The following FAP variants were observed in gnomAD, a reference collection of about 807,000 sequenced individuals.
FAP encodes the protein fibroblast activation protein alpha, also known as prolyl endopeptidase FAP.
Under a neutral mutation model 126.5 loss-of-function variants are expected in FAP, and 110 were observed. The ratio of observed to expected loss-of-function variants is 0.87; its 90% CI spans 0.74 to 1.02. FAP has a LOEUF of 1.02. Among genes scored for constraint, FAP ranks in the 50% least tolerant of loss-of-function variants. The probability of loss-of-function intolerance (pLI) is 0.00; values close to 1 mark genes in which losing one functional copy is unlikely to be tolerated. For missense variants in FAP, 919 were observed against 909.2 expected (o/e 1.01, Z -0.14); for synonymous variants, 334 against 297.3 (o/e 1.12, Z -1.27).
chr2:162,213,366 C>A (rs1471169761), intron 11 of FAP, among the ~76,000 whole-genome samples: 1 of 147,146 alleles, frequency 6.8e-6, no homozygotes, highest in Non-Finnish European at 1.5e-5. Flanking sequence ...CAGAGCGAGA[C>A]GCCATCTCAA....
At chr2:162,187,549 AC>A (rs2106225971) in intron 20 of FAP, among the ~76,000 whole-genome samples, 1 of 152,254 alleles carries the variant, frequency 6.6e-6, no homozygotes, top group East Asian at 1.9e-4. Flanking sequence ...AGATGATTGA[AC>A]CATAAATCAT....
At position 162,216,695 on chromosome 2, in the gene FAP, T is replaced by C. The variant is rs572453126; in HGVS notation, c.763-694A>G. 7.9e-5 allele frequency among the ~76,000 whole-genome samples: 12 copies of C among 152,356 alleles called. No individual in the cohort carries two copies. In the East Asian group the frequency reaches 2.3e-3, roughly 29 times the overall value. On this transcript the variant is annotated intron_variant, in intron 9 of 25. Coordinates refer to ENST00000188790, the MANE Select transcript of FAP (RefSeq NM_004460.5). ...GTAGAAAGAGAGAATCTTGGAGTTG[T>C]AATAAAATTTAAATTCATGAAATGT...
rs926373204 is a variant in FAP at position 162,224,522 on chromosome 2, T to C, written c.304A>G (p.Asn102Asp). ...TGCCGATCAGGTGATAAGCCGTAAT[T>C]TGAAGCATTCACACTTTTCTGAAAT... Reference protein sequence around the residue: ...NRTMKSVNASNYGLSPDRQFV... With the variant: ...NRTMKSVNASDYGLSPDRQFV... Residue 102 changes from asparagine (N) to aspartate (D), a missense_variant, in exon 5 of 26, where the codon AAT (asparagine) becomes GAT (aspartate). Transcript: ENST00000188790. The C allele has an allele frequency of 1.9e-6, 3 of 1,597,838 alleles. No homozygotes were observed. The highest frequency in any genetic ancestry group is 1.3e-5 in the African/African-American group (1 of 74,220).
chr2:162,198,669 C>A (rs1220985458), intron 16 of FAP, 88 bp downstream of exon 16: 3 of 1,444,582 alleles, frequency 2.1e-6, no homozygotes, highest in Non-Finnish European at 2.9e-6. Flanking sequence ...TGCTCATTAA[C>A]TGTAGCTACG....
intron 21 of FAP, among the ~76,000 whole-genome samples, chr2:162,179,790 C>CTATCTATCTATA (rs1553684067): frequency 1.7e-5 from 2 of 115,550 alleles, no homozygotes; most frequent in African/African-American, 6.5e-5. Flanking sequence ...ATCTATCTAT[C>CTATCTATCTATA]TATATATATA....
chr2:162,236,429 A>G (rs1427985545), intron 2 of FAP, among the ~76,000 whole-genome samples: 1 of 151,294 alleles, frequency 6.6e-6, no homozygotes, highest in East Asian at 1.9e-4. Flanking sequence ...ATCTGAGCTT[A>G]GGAAGTTTTT....
At chr2:162,199,861 C>T (rs1688425989) in intron 15 of FAP, among the ~76,000 whole-genome samples, 1 of 152,154 alleles carries the variant, frequency 6.6e-6, no homozygotes, top group Admixed American at 6.5e-5. Flanking sequence ...AGTATGTTAA[C>T]ATATGTCCCT....
At chr2:162,176,240 G>T (rs1194379170) in intron 21 of FAP, 4 of 152,110 alleles carry the variant, frequency 2.6e-5, no homozygotes, top group Non-Finnish European at 5.9e-5. Flanking sequence ...TTCATGAAAT[G>T]CATGGAATGG....
chr2:162,235,403 C>T (rs956158621), intron 2 of FAP, among the ~76,000 whole-genome samples: 1 of 152,198 alleles, frequency 6.6e-6, no homozygotes. Context: ...CTTGGAGAAC[C>T]TTTGTGTCTA....
chr2:162,202,352 G>A lies in FAP; in HGVS notation c.1223+520C>T, dbSNP rs188225477. Reference sequence around the variant, plus strand: ...TCCTAGTCTGCTACTAACTAACTGTGGCCTTTGGCCAAGTTAATTAAATTT... The same window carrying A: ...TCCTAGTCTGCTACTAACTAACTGTAGCCTTTGGCCAAGTTAATTAAATTT... On this transcript the variant is annotated intron_variant, in intron 14 of 25. Transcript: ENST00000188790. 1.5e-3 allele frequency among the ~76,000 whole-genome samples: 236 copies of A among 152,348 alleles called. 5 individuals carry two copies. Among genetic ancestry groups the A allele is most frequent in the Middle Eastern group, 3.4e-3 (1 of 294 alleles).
chr2:162,194,957 G>C (rs1016621649), intron 16 of FAP: 5 of 573,164 alleles, frequency 8.7e-6, no homozygotes, highest in Non-Finnish European at 1.6e-5. Context: ...AAGAACAGCT[G>C]TGAAAGAAGC....
intron 12 of FAP, among the ~76,000 whole-genome samples, chr2:162,204,666 G>A (rs921007425): frequency 2.0e-5 from 3 of 152,144 alleles, no homozygotes; most frequent in South Asian, 2.1e-4. Flanking sequence ...TAGGGAGCAC[G>A]ACTCTGCTGA....
At chr2:162,172,951 G>T in intron 24 of FAP, 67 bp from the exon 25 acceptor site, 1 of 1,295,194 alleles carries the variant, frequency 7.7e-7, no homozygotes, top group Non-Finnish European at 1.1e-6. Context: ...ACAATGTACT[G>T]CCTGGAAATG....
At chr2:162,235,263 C>T (rs1209865242) in intron 2 of FAP, among the ~76,000 whole-genome samples, 1 of 152,162 alleles carries the variant, frequency 6.6e-6, no homozygotes, top group Non-Finnish European at 1.5e-5. Context: ...TCCACAGTGC[C>T]CGGTCCCATG....
chr2:162,201,391 G>A (rs952245393), intron 14 of FAP, among the ~76,000 whole-genome samples: 4 of 152,078 alleles, frequency 2.6e-5, no homozygotes, highest in Non-Finnish European at 4.4e-5. Flanking sequence ...AATACAACTC[G>A]TTTTTAGCAC....
chr2:162,238,579 A>G (rs917713797), intron 2 of FAP, among the ~76,000 whole-genome samples: 1 of 152,168 alleles, frequency 6.6e-6, no homozygotes, highest in Non-Finnish European at 1.5e-5. Flanking sequence ...ATATTCATGA[A>G]CTTTCTGAAA....
At chr2:162,183,580 G>A (rs1056014396) in intron 20 of FAP, 112 bp from the exon 21 acceptor site, 3 of 685,524 alleles carry the variant, frequency 4.4e-6, no homozygotes, top group African/African-American at 1.8e-5. Context: ...CATTTTCTTT[G>A]TTTAAACACA....
chr2:162,221,422 G>C (rs1689390514), intron 6 of FAP, among the ~76,000 whole-genome samples: 3 of 151,996 alleles, frequency 2.0e-5, no homozygotes, highest in African/African-American at 7.2e-5. Context: ...CTACTTAGGA[G>C]GCTGAGGCGG....
chr2:162,194,991 C>T (rs192535785), intron 16 of FAP: 1 of 526,580 alleles, frequency 1.9e-6, no homozygotes, highest in East Asian at 3.2e-5. Context: ...TTTTCCAAGA[C>T]TAATCCTGAA....
Sources: allele counts gnomAD v4.1 joint callset (sites outside exome capture counted in the v4.1 genomes callset), GRCh38; gene constraint gnomAD v4.1.1; transcripts MANE v1.5; gene names NCBI Gene and HGNC (gene_info 2026-07-23, HGNC 2026-07-21).